SNRPN: variants seen among roughly 807,000 people sequenced by gnomAD.
SNRPN encodes small nuclear ribonucleoprotein polypeptide N.
A neutral mutation model predicts 25.2 loss-of-function variants in SNRPN; 7 were observed. That is an observed-to-expected ratio of 0.28 (90% confidence interval 0.16 to 0.52). SNRPN has a LOEUF of 0.52. Ranked by LOEUF, SNRPN falls within the 20% of genes least tolerant of loss-of-function variation. The pLI is 0.96. For synonymous variants in SNRPN, 124 were observed against 110.6 expected (o/e 1.12, Z -0.76); for missense variants, 196 against 322.5 (o/e 0.61, Z 3.00).
At chr15:24,925,652 G>A (rs1221553639) in intron 3 of SNRPN, among the ~76,000 whole-genome samples, 2 of 151,988 alleles carry the variant, frequency 1.3e-5, no homozygotes. Context: ...TTGTGCAGTT[G>A]TGCGATCACT....
At chr15:24,942,887 T>C (rs1243963580) in intron 3 of SNRPN, among the ~76,000 whole-genome samples, 1 of 152,202 alleles carries the variant, frequency 6.6e-6, no homozygotes, top group Non-Finnish European at 1.5e-5. Context: ...CCTGCCATCA[T>C]GGCCACTTCG....
At chr15:24,891,195 A>G (rs974961224) in intron 2 of SNRPN, among the ~76,000 whole-genome samples, 2 of 93,120 alleles carry the variant, frequency 2.1e-5, no homozygotes, top group Admixed American at 9.9e-5. Flanking sequence ...ACAGTTGTGT[A>G]ATGGTATTTT....
intron 3 of SNRPN, among the ~76,000 whole-genome samples, chr15:24,969,886 TG>T (rs1408287703): frequency 2.0e-5 from 3 of 152,236 alleles, no homozygotes; most frequent in African/African-American, 4.8e-5. Flanking sequence ...ATGTTATCTT[TG>T]GCCACATTGG....
chr15:24,900,512 G>A (rs1419283350), intron 2 of SNRPN, among the ~76,000 whole-genome samples: 1 of 152,034 alleles, frequency 6.6e-6, no homozygotes, highest in Admixed American at 6.5e-5. Flanking sequence ...CAAAAGCTGG[G>A]TTAGATACCA....
At chr15:24,974,481 G>A in intron 4 of SNRPN, 25 bp downstream of exon 4, 1 of 1,611,488 alleles carries the variant, frequency 6.2e-7, no homozygotes, top group Non-Finnish European at 8.5e-7. Context: ...AAGGCTGAGG[G>A]TTGAAATGTG....
chr15:24,953,316 G>GT (rs2062425167), upstream of SNRPN, among the ~76,000 whole-genome samples: 1 of 152,080 alleles, frequency 6.6e-6, no homozygotes. Context: ...TGAACATACA[G>GT]TATGCTTTTA....
At chr15:24,858,835 A>G (rs7181895) in intron 1 of SNRPN, among the ~76,000 whole-genome samples, 1,851 of 152,102 alleles carry the variant, frequency 0.012, 46 homozygotes, top group African/African-American at 0.042. Flanking sequence ...AGCCTGATCA[A>G]TCGTTTATTC....
rs531529660 is a variant in SNRPN, at chr15:24,891,335, G to T, written c.-505+4746G>T. ...TAATTTCTGTATTTCTAAGTTTTAG[G>T]AATACTTAGTTATGTAAGCATTTAC... On this transcript the variant is annotated intron_variant, in intron 2 of 11. Coordinates refer to the SNRPN transcript ENST00000400097. 1.2e-4 allele frequency among the ~76,000 whole-genome samples: 19 copies of T among 152,120 alleles called. 1 individual carries two copies. Among genetic ancestry groups the T allele is most frequent in the Admixed American group, 1.1e-3 (17 of 15,268 alleles).
intron 2 of SNRPN, among the ~76,000 whole-genome samples, chr15:24,897,628 A>G (rs977214841): frequency 1.3e-5 from 2 of 152,140 alleles, no homozygotes; most frequent in Non-Finnish European, 2.9e-5. Context: ...TTGAATTATA[A>G]TCCCATGTGT....
intron 2 of SNRPN, among the ~76,000 whole-genome samples, chr15:24,886,767 G>C (rs1382962543): frequency 6.6e-6 from 1 of 152,206 alleles, no homozygotes; most frequent in Non-Finnish European, 1.5e-5. Context: ...ACTTTGAGCA[G>C]AGTTGCACAC....
intron 3 of SNRPN, among the ~76,000 whole-genome samples, chr15:24,941,570 A>G (rs1012468394): frequency 6.6e-6 from 1 of 152,146 alleles, no homozygotes; most frequent in African/African-American, 2.4e-5. Flanking sequence ...GGCTTTGGTC[A>G]CAGAGCTTGG....
chr15:24,859,626 C>G (rs766470851), intron 1 of SNRPN, among the ~76,000 whole-genome samples: 1 of 152,036 alleles, frequency 6.6e-6, no homozygotes. Context: ...ATCCAGACCC[C>G]AAGAGAGGGT....
intron 3 of SNRPN, among the ~76,000 whole-genome samples, chr15:24,970,846 G>A (rs1166563739): frequency 1.3e-5 from 2 of 152,066 alleles, no homozygotes; most frequent in Non-Finnish European, 2.9e-5. Flanking sequence ...TCCAATAAAG[G>A]AAATTTGTTT....
At chr15:24,878,168 A>C (rs1325558467) in intron 1 of SNRPN, among the ~76,000 whole-genome samples, 1 of 152,178 alleles carries the variant, frequency 6.6e-6, no homozygotes, top group African/African-American at 2.4e-5. Flanking sequence ...AGCCTTGTTA[A>C]GTTATTCTTT....
chr15:24,857,377 T>A lies in SNRPN; in HGVS notation c.-579+661T>A, dbSNP rs189992596. ...GATAACCAATGATATAGATATATAT[T>A]TTTTTCTTACTATTTGATGAATGAT... On this transcript the variant is annotated intron_variant, in intron 1 of 11. Transcript: ENST00000400097. 3.9e-3 allele frequency among the ~76,000 whole-genome samples: 597 copies of A among 152,270 alleles called. 16 individuals are homozygous for A. The highest frequency in any genetic ancestry group is 0.032 in the Admixed American group (493 of 15,300).
intron 3 of SNRPN, among the ~76,000 whole-genome samples, chr15:24,922,194 C>A (rs2060070733): frequency 6.6e-6 from 1 of 152,052 alleles, no homozygotes; most frequent in Admixed American, 6.6e-5. Context: ...GCATGGGCGA[C>A]AAAAGCAAAA....
At chr15:24,930,240 CTGATCTTTCATAGTGA>C (rs1294537600) in intron 3 of SNRPN, among the ~76,000 whole-genome samples, 2 of 142,546 alleles carry the variant, frequency 1.4e-5, no homozygotes, top group African/African-American at 2.6e-5. Context: ...CTGTTCAAGA[CTGATCTTTCATAGTGA>C]TTGGGTCTAT....
At chr15:24,909,237 G>C in intron 2 of SNRPN, 1 of 1,571,436 alleles carries the variant, frequency 6.4e-7, no homozygotes, top group African/African-American at 1.3e-5. Context: ...ATGTGCTTCC[G>C]GTGTACTTCT....
At chr15:24,931,382 C>T (rs2060842220) in intron 3 of SNRPN, among the ~76,000 whole-genome samples, 1 of 152,076 alleles carries the variant, frequency 6.6e-6, no homozygotes, top group Admixed American at 6.6e-5. Flanking sequence ...GAAGAAAGTC[C>T]AGCATGAACT....
Sources: allele counts gnomAD v4.1 joint callset (sites outside exome capture counted in the v4.1 genomes callset), GRCh38; gene constraint gnomAD v4.1.1; transcripts MANE v1.5; gene names NCBI Gene and HGNC (gene_info 2026-07-23, HGNC 2026-07-21).